The following HOMER2 variants were observed in gnomAD, a reference collection of about 807,000 sequenced individuals.
HOMER2 encodes homer scaffold protein 2.
HOMER2 carries 27 observed loss-of-function variants against 47.0 expected under a neutral mutation model. The ratio of observed to expected loss-of-function variants is 0.57; its 90% CI spans 0.42 to 0.79. The LOEUF is 0.79. HOMER2 is among the 30% of genes least tolerant of loss of function. The probability of loss-of-function intolerance (pLI) is 0.00; values close to 1 mark genes in which losing one functional copy is unlikely to be tolerated. For missense variants in HOMER2, 443 were observed against 435.0 expected (o/e 1.02, Z -0.16); for synonymous variants, 161 against 163.8 (o/e 0.98, Z 0.13).
chr15:82,978,555 T>C (rs2030284479), intron 1 of HOMER2, among the ~76,000 whole-genome samples: 1 of 152,140 alleles, frequency 6.6e-6, no homozygotes, highest in South Asian at 2.1e-4. Context: ...GATATGGGTA[T>C]GCATTTAGTT....
chr15:82,842,313 G>GTTTTGTT (rs1461907910), exon 2 of HOMER2: 2 of 148,348 alleles, frequency 1.3e-5, no homozygotes, highest in East Asian at 4.0e-4. Flanking sequence ...TTTTTTTTTT[G>GTTTTGTT]TTTTGTTTTT....
At chr15:82,837,758 A>G (rs1265782414) in exon 2 of HOMER2, 8 of 152,238 alleles carry the variant, frequency 5.3e-5, no homozygotes, top group East Asian at 3.8e-4. Context: ...AACGCCTGCA[A>G]TGGAGCAGCT....
chr15:82,938,249 C>T (rs1046133706), intron 1 of HOMER2, among the ~76,000 whole-genome samples: 6 of 152,188 alleles, frequency 3.9e-5, no homozygotes, highest in Non-Finnish European at 1.5e-5. Context: ...TGGTACACAC[C>T]TGTAATCCCA....
chr15:82,849,714 C>T lies in HOMER2; in HGVS notation c.*1G>A. 2 of 1,612,482 alleles carry T rather than the reference C, an allele frequency of 1.2e-6. No homozygotes were observed. The highest frequency in any genetic ancestry group is 1.7e-6 in the Non-Finnish European group (2 of 1,179,304). On this transcript the variant is annotated 3_prime_UTR_variant, in exon 9 of 9. Transcript: ENST00000450735. ...GGGCGGGGCCTGGGCCTCGGCCAGC[C>T]CTAGTTATCGGTGCCCAGCTTGGAG...
At chr15:82,907,880 A>T (rs1441325538) in intron 1 of HOMER2, among the ~76,000 whole-genome samples, 1 of 152,234 alleles carries the variant, frequency 6.6e-6, no homozygotes, top group Non-Finnish European at 1.5e-5. Flanking sequence ...GGATAACAAA[A>T]TGTGGTGTAT....
intron 3 of HOMER2, among the ~76,000 whole-genome samples, chr15:82,873,707 G>A (rs956569174): frequency 6.6e-6 from 1 of 152,240 alleles, no homozygotes; most frequent in Non-Finnish European, 1.5e-5. Flanking sequence ...GGCGGCACAA[G>A]GGTGGATGCT....
intron 5 of HOMER2, among the ~76,000 whole-genome samples, chr15:82,858,084 A>C (rs1031521809): frequency 6.6e-6 from 1 of 152,212 alleles, no homozygotes; most frequent in African/African-American, 2.4e-5. Context: ...AAACCTTGAA[A>C]TCATTTTAAA....
At chr15:82,946,145 AT>A (rs2054375576) in intron 1 of HOMER2, among the ~76,000 whole-genome samples, 1 of 152,120 alleles carries the variant, frequency 6.6e-6, no homozygotes, top group African/African-American at 2.4e-5. Flanking sequence ...AAACCTAATA[AT>A]TTACACAAAT....
intron 1 of HOMER2, among the ~76,000 whole-genome samples, chr15:82,928,786 C>T (rs2053919514): frequency 6.6e-6 from 1 of 151,746 alleles, no homozygotes; most frequent in Non-Finnish European, 1.5e-5. Flanking sequence ...AAACTCCCAA[C>T]TTCTATGGAG....
At chr15:82,893,625 C>CA (rs1490891199) in intron 1 of HOMER2, among the ~76,000 whole-genome samples, 1 of 134,976 alleles carries the variant, frequency 7.4e-6, no homozygotes, top group Non-Finnish European at 1.6e-5. Flanking sequence ...GCCACTGCGC[C>CA]TTTTTTTTTT....
chr15:82,895,908 A>C (rs924750308), intron 1 of HOMER2, among the ~76,000 whole-genome samples: 2 of 152,194 alleles, frequency 1.3e-5, no homozygotes, highest in Admixed American at 6.5e-5. Flanking sequence ...TAAGAACTCC[A>C]GGTGATTTTT....
At chr15:82,873,975 T>C (rs2052262352) in intron 3 of HOMER2, among the ~76,000 whole-genome samples, 1 of 152,228 alleles carries the variant, frequency 6.6e-6, no homozygotes, top group South Asian at 2.1e-4. Flanking sequence ...GCCTCTGCTG[T>C]GGGAGGCTTC....
chr15:82,958,069 C>T (rs988109766), downstream of HOMER2: 1 of 152,204 alleles, frequency 6.6e-6, no homozygotes, highest in Non-Finnish European at 1.5e-5. Context: ...GAACTCCTGA[C>T]CTCATGATCC....
At chr15:82,966,770 T>C (rs1310118378) in intron 1 of HOMER2, among the ~76,000 whole-genome samples, 1 of 152,218 alleles carries the variant, frequency 6.6e-6, no homozygotes, top group Non-Finnish European at 1.5e-5. Flanking sequence ...TGAGCAAAGT[T>C]GTTTCTCAGA....
chr15:82,972,293 CT>C (rs1056889184), intron 1 of HOMER2, among the ~76,000 whole-genome samples: 9 of 152,192 alleles, frequency 5.9e-5, no homozygotes, highest in Non-Finnish European at 2.9e-5. Flanking sequence ...CATCCAAGAA[CT>C]CCTGCACCTC....
At chr15:82,851,903 C>T (rs1298483627) in intron 7 of HOMER2, among the ~76,000 whole-genome samples, 1 of 152,222 alleles carries the variant, frequency 6.6e-6, no homozygotes, top group Admixed American at 6.5e-5. Flanking sequence ...GTGAAATGTT[C>T]AGCTCCCTTG....
At chr15:82,934,879 T>G (rs114018620) in intron 1 of HOMER2, among the ~76,000 whole-genome samples, 2,029 of 152,298 alleles carry the variant, frequency 0.013, 53 homozygotes, top group African/African-American at 0.047. Context: ...CACCTTCTCC[T>G]CCAGCTTCCC....
rs868548944 is a variant in HOMER2, at chr15:82,909,705, T to C, written c.6-16864A>G. Reference sequence around the variant, plus strand: ...CCAGAGAGCTGAACATACTGACATATTGGCTCTTTGAAGAGGAACTCAGAA... The same window carrying C: ...CCAGAGAGCTGAACATACTGACATACTGGCTCTTTGAAGAGGAACTCAGAA... On this transcript the variant is annotated intron_variant, in intron 1 of 8. Transcript: ENST00000450735. Among the ~76,000 whole-genome samples the C allele has an allele frequency of 2.6e-5, 4 of 152,290 alleles. 1 individual carries two copies. In the South Asian group the frequency reaches 8.3e-4, roughly 32 times the overall value.
intron 1 of HOMER2, among the ~76,000 whole-genome samples, chr15:82,916,124 CT>C (rs761910913): frequency 2.6e-5 from 4 of 152,172 alleles, no homozygotes; most frequent in Non-Finnish European, 5.9e-5. Flanking sequence ...TCACTTGAAA[CT>C]TCTTGCCTCA....
Sources: gnomAD v4.1 joint callset for allele counts (sites outside exome capture counted in the v4.1 genomes callset) on GRCh38, gnomAD v4.1.1 for gene constraint, MANE v1.5 for transcripts, NCBI Gene and HGNC (gene_info 2026-07-23, HGNC 2026-07-21) for gene names.